Variants in S100PBP observed in about 807,000 individuals in gnomAD.
The protein encoded by S100PBP is S100P binding protein.
In S100PBP, 15 loss-of-function variants were observed where a neutral mutation model predicts 39.9. That is an observed-to-expected ratio of 0.38 (90% CI 0.25 to 0.58). The LOEUF (loss-of-function observed/expected upper bound fraction) is 0.58. S100PBP is among the 20% of genes least tolerant of loss of function. S100PBP has a pLI of 0.70. For missense variants in S100PBP, 504 were observed against 487.3 expected, an observed-to-expected ratio of 1.03 and a Z score of -0.32; for synonymous variants, 178 against 180.3, an observed-to-expected ratio of 0.99 and a Z score of 0.10.
chr1:32,844,171 C>T (rs1170024718), intron 5 of S100PBP, among the ~76,000 whole-genome samples: 1 of 152,124 alleles, frequency 6.6e-6, no homozygotes, highest in Non-Finnish European at 1.5e-5. Context: ...CCACTTCGGC[C>T]TCCGCAATTG....
chr1:32,829,738 T>G (rs756129842), intron 4 of S100PBP, among the ~76,000 whole-genome samples: 1 of 152,202 alleles, frequency 6.6e-6, no homozygotes, highest in Non-Finnish European at 1.5e-5. Context: ...GGATTACAGG[T>G]GTGAGCCACC....
intron 6 of S100PBP, among the ~76,000 whole-genome samples, chr1:32,854,166 A>G (rs1054921886): frequency 2.0e-5 from 3 of 152,156 alleles, no homozygotes; most frequent in Admixed American, 1.3e-4. Context: ...CTATCAGCAA[A>G]TCCCATAGGT....
At chr1:32,847,106 A>T (rs929402932) in intron 5 of S100PBP, among the ~76,000 whole-genome samples, 1 of 152,180 alleles carries the variant, frequency 6.6e-6, no homozygotes, top group Admixed American at 6.5e-5. Flanking sequence ...TTTTAAAGAC[A>T]TCATCTAAAT....
At chr1:32,817,451 G>A (rs1383633994), upstream of S100PBP, 6 of 644,192 alleles carry the variant, frequency 9.3e-6, no homozygotes, top group Non-Finnish European at 1.6e-5. Context: ...CGATGAGACG[G>A]GAAAAGGTGG....
intron 6 of S100PBP, 76 bp downstream of exon 6, chr1:32,853,242 CT>C: frequency 8.4e-6 from 7 of 829,476 alleles, no homozygotes; most frequent in Non-Finnish European, 1.3e-5. Flanking sequence ...AATCCCAGCA[CT>C]TTGGGTGGCC....
chr1:32,831,113 CTTCA>C (rs954507409), intron 5 of S100PBP, among the ~76,000 whole-genome samples: 2 of 151,562 alleles, frequency 1.3e-5, no homozygotes, highest in Non-Finnish European at 2.9e-5. Flanking sequence ...ATTCTGTCAT[CTTCA>C]TTCATTCAGC....
At chr1:32,838,895 CAT>C (rs1639965767) in intron 5 of S100PBP, among the ~76,000 whole-genome samples, 1 of 151,390 alleles carries the variant, frequency 6.6e-6, no homozygotes, top group South Asian at 2.1e-4. Context: ...TAAGTATATT[CAT>C]ATTGTTGTAC....
At chr1:32,828,205 AGTTCT>A (rs1639427529) in intron 4 of S100PBP, 124 bp downstream of exon 4, 2 of 586,508 alleles carry the variant, frequency 3.4e-6, no homozygotes, top group Non-Finnish European at 3.0e-6. Flanking sequence ...GCAAACTTGA[AGTTCT>A]AGCACTACCA....
chr1:32,855,818 C>A, intron 6 of S100PBP, 106 bp from the exon 7 acceptor site: 1 of 603,350 alleles, frequency 1.7e-6, no homozygotes, highest in Admixed American at 3.2e-5. Context: ...ATCTGATTTC[C>A]AAAAGTAAAG....
intron 5 of S100PBP, among the ~76,000 whole-genome samples, chr1:32,841,160 C>CAAAAA (rs377024249): frequency 9.8e-6 from 1 of 101,860 alleles, no homozygotes. Flanking sequence ...GATTCCATCT[C>CAAAAA]AAAAAAAAAA....
At chr1:32,840,941 A>T (rs1640061694) in intron 5 of S100PBP, among the ~76,000 whole-genome samples, 1 of 151,868 alleles carries the variant, frequency 6.6e-6, no homozygotes, top group African/African-American at 2.4e-5. Context: ...TGGGCGGATC[A>T]CGAGATCAGG....
chr1:32,837,595 T>C (rs1639892186), intron 5 of S100PBP, among the ~76,000 whole-genome samples: 1 of 147,406 alleles, frequency 6.8e-6, no homozygotes, highest in African/African-American at 2.5e-5. Flanking sequence ...ATAATAAGCA[T>C]ATTGGACTAA....
intron 5 of S100PBP, among the ~76,000 whole-genome samples, chr1:32,844,241 G>A (rs1041243292): frequency 6.6e-6 from 1 of 151,878 alleles, no homozygotes; most frequent in Non-Finnish European, 1.5e-5. Context: ...TAGCAGAGGT[G>A]GGGTTTTGCT....
intron 5 of S100PBP, among the ~76,000 whole-genome samples, chr1:32,832,666 TTGTA>T (rs1336703724): frequency 6.6e-6 from 1 of 152,146 alleles, no homozygotes; most frequent in Non-Finnish European, 1.5e-5. Flanking sequence ...TTTCCTCCAT[TTGTA>T]TGTGAATTAT....
In S100PBP at chr1:32,826,259, A is replaced by T. The variant is rs996821300; in HGVS notation, c.160A>T (p.Thr54Ser). ...AGAAGATGATGGTGATGTAAATTAC[A>T]CAGAGGAAGAGATTGATGCACTGTT... The part of the protein sequence containing the change: ...GEEDDGDVNY[T>S]EEEIDALLKE... The change falls in exon 3 of 7, where the codon ACA becomes TCA. Residue 54 changes from threonine (T) to serine (S), a missense_variant. By Grantham distance (58) the Thr-to-Ser change is moderately conservative. Transcript: ENST00000373475. The T allele has an allele frequency of 7.4e-6, 12 of 1,614,078 alleles. No homozygotes were observed. The highest frequency in any genetic ancestry group is 3.3e-5 in the Admixed American group (2 of 60,002).
chr1:32,823,876 T>C (rs549524194), intron 1 of S100PBP, among the ~76,000 whole-genome samples: 1 of 152,314 alleles, frequency 6.6e-6, no homozygotes, highest in African/African-American at 2.4e-5. Context: ...TGTGTGATGA[T>C]TGTAGCTCAA....
Position 32,826,616 on chromosome 1 carries a change from A to G in S100PBP, c.517A>G (p.Lys173Glu), listed in dbSNP as rs1244874503. ...GACTGATTCGTCCAAAGATACTGAAAAACTCTCTTCCCTTGGAGAAGAGAT... is the reference window on the plus strand; with the variant it reads ...GACTGATTCGTCCAAAGATACTGAAGAACTCTCTTCCCTTGGAGAAGAGAT... ...DETDSSKDTE[K>E]LSSLGEEMRE... Residue 173 changes from lysine to glutamate, a missense_variant, in exon 3 of 7, where the codon AAA becomes GAA. Transcript: ENST00000373475. 4 of 1,614,082 alleles carry G rather than the reference A, an allele frequency of 2.5e-6. No individual in the cohort carries two copies. The highest frequency in any genetic ancestry group is 3.4e-6 in the Non-Finnish European group (4 of 1,180,026).
chr1:32,842,346 A>C (rs1409438828), intron 5 of S100PBP, among the ~76,000 whole-genome samples: 1 of 150,738 alleles, frequency 6.6e-6, no homozygotes, highest in East Asian at 1.9e-4. Context: ...AAGACTGTCC[A>C]TTCTGCATTG....
intron 1 of S100PBP, among the ~76,000 whole-genome samples, chr1:32,821,141 T>C (rs1396422926): frequency 6.6e-6 from 1 of 152,240 alleles, no homozygotes. Context: ...TATTGTTTTC[T>C]TAAGAAATAA....
Sources: allele counts gnomAD v4.1 joint callset (sites outside exome capture counted in the v4.1 genomes callset), GRCh38; gene constraint gnomAD v4.1.1; transcripts MANE v1.5; gene names NCBI Gene and HGNC (gene_info 2026-07-23, HGNC 2026-07-21).